Variants in SLC9B1 observed in about 807,000 individuals in gnomAD.
SLC9B1 encodes the protein solute carrier family 9 member B1.
A neutral mutation model predicts 51.7 loss-of-function variants in SLC9B1; 32 were observed. The observed-to-expected ratio is 0.62, with a 90% CI of 0.47 to 0.83. SLC9B1 has a LOEUF of 0.83. Among genes scored for constraint, SLC9B1 ranks in the 40% least tolerant of loss-of-function variants. SLC9B1 has a pLI of 0.00. For synonymous variants in SLC9B1, 145 were observed against 212.7 expected (o/e 0.68, Z 2.77); for missense variants, 406 against 613.2 (o/e 0.66, Z 3.57).
At chr4:102,969,612 G>A (rs192478981) in intron 3 of SLC9B1, among the ~76,000 whole-genome samples, 12 of 152,294 alleles carry the variant, frequency 7.9e-5, no homozygotes, top group Non-Finnish European at 8.8e-5. Flanking sequence ...CGCCAGCAAT[G>A]GAACAAAGCT....
At chr4:102,890,052 T>G (rs1008629240) in intron 11 of SLC9B1, 6 of 152,184 alleles carry the variant, frequency 3.9e-5, no homozygotes, top group Admixed American at 3.9e-4. Flanking sequence ...ACTCAGCAAA[T>G]GAACATCACT....
chr4:102,903,126 AG>A (rs1381357512), intron 11 of SLC9B1, among the ~76,000 whole-genome samples: 1 of 152,214 alleles, frequency 6.6e-6, no homozygotes, highest in Non-Finnish European at 1.5e-5. Flanking sequence ...AGACAGGAAT[AG>A]GCAGAAGCAG....
At position 102,910,420 on chromosome 4, in the gene SLC9B1, G is replaced by C; in HGVS notation, c.1086+19C>G. The C allele has an allele frequency of 6.5e-7, 1 of 1,527,820 alleles. No homozygotes were observed. The highest frequency in any genetic ancestry group is 8.7e-7 in the Non-Finnish European group (1 of 1,144,356). 94.6% of individuals were successfully genotyped at this position (1,527,820 alleles called of 1,614,324 possible). ...CAGTTGTTTTAGCTTTTAAAATATA[G>C]CATATTAAAAATATTCACCTTTTCT... On this transcript the variant is annotated intron_variant, in intron 9 of 11. Coordinates refer to ENST00000296422, the MANE Select transcript of SLC9B1 (RefSeq NM_139173.4).
chr4:102,955,878 A>AAAGG (rs1276220224), intron 3 of SLC9B1, among the ~76,000 whole-genome samples: 2 of 146,382 alleles, frequency 1.4e-5, no homozygotes, highest in Non-Finnish European at 3.0e-5. Context: ...AGAAAGAAAG[A>AAAGG]AAGAAAGAAA....
At chr4:103,015,937 C>T (rs1267835973) in intron 1 of SLC9B1, among the ~76,000 whole-genome samples, 1 of 151,722 alleles carries the variant, frequency 6.6e-6, no homozygotes, top group Non-Finnish European at 1.5e-5. Flanking sequence ...TCAAGACCAG[C>T]CTGGCCATGG....
intron 6 of SLC9B1, among the ~76,000 whole-genome samples, chr4:102,943,395 C>G (rs1248622312): frequency 6.6e-6 from 1 of 152,052 alleles, no homozygotes; most frequent in African/African-American, 2.4e-5. Flanking sequence ...TATTGCAGCA[C>G]AATTTGCAAT....
intron 3 of SLC9B1, among the ~76,000 whole-genome samples, chr4:102,983,783 T>C (rs1350273436): frequency 6.6e-6 from 1 of 151,690 alleles, no homozygotes; most frequent in Admixed American, 6.6e-5. Flanking sequence ...TTTTTCTTAG[T>C]TAGTTTGGCT....
chr4:102,939,549 T>C (rs1736886847), intron 6 of SLC9B1, among the ~76,000 whole-genome samples: 1 of 152,098 alleles, frequency 6.6e-6, no homozygotes, highest in Non-Finnish European at 1.5e-5. Flanking sequence ...CCCTAACTCA[T>C]TTTATGAGGC....
In SLC9B1 at chr4:102,940,526, A is replaced by AC. The variant is rs1233751641; in HGVS notation, c.653+4666_653+4667insG. On this transcript the variant is annotated intron_variant, in intron 6 of 11. Transcript: ENST00000296422. ...CATCCTAAAATTCATTTGGAGCCAA[A>AC]AAAACAAACAAACAAAAAAAGCCCA... Among the ~76,000 whole-genome samples the AC allele has an allele frequency of 3.4e-4, 51 of 152,114 alleles. 1 individual carries two copies. Among genetic ancestry groups the AC allele is most frequent in the South Asian group, 1.2e-3 (6 of 4,818 alleles).
intron 10 of SLC9B1, 120 bp downstream of exon 10, chr4:102,906,416 A>T: frequency 1.8e-6 from 1 of 549,352 alleles, no homozygotes; most frequent in Non-Finnish European, 3.1e-6. Context: ...CACTGTATCA[A>T]CATGTGTTTC....
At chr4:103,012,894 TA>T (rs2110543699) in intron 1 of SLC9B1, among the ~76,000 whole-genome samples, 1 of 152,314 alleles carries the variant, frequency 6.6e-6, no homozygotes, top group Non-Finnish European at 1.5e-5. Context: ...TAAGGACTTT[TA>T]TAATACATTC....
chr4:102,959,874 T>C (rs1310019883), intron 3 of SLC9B1, among the ~76,000 whole-genome samples: 1 of 152,110 alleles, frequency 6.6e-6, no homozygotes, highest in Non-Finnish European at 1.5e-5. Context: ...CAAAAACAAT[T>C]GGGTATTAAT....
intron 3 of SLC9B1, among the ~76,000 whole-genome samples, chr4:102,983,785 AGTTT>A (rs948640919): frequency 2.0e-5 from 3 of 151,936 alleles, no homozygotes; most frequent in African/African-American, 7.3e-5. Flanking sequence ...TTTCTTAGTT[AGTTT>A]GGCTAAAGGC....
chr4:102,893,579 T>A (rs1464307863), intron 11 of SLC9B1, among the ~76,000 whole-genome samples: 1 of 152,136 alleles, frequency 6.6e-6, no homozygotes, highest in Admixed American at 6.5e-5. Context: ...GAAAAACCAA[T>A]TCATTTCACA....
At chr4:102,937,196 G>A (rs111506361) in intron 6 of SLC9B1, among the ~76,000 whole-genome samples, 39 of 151,796 alleles carry the variant, frequency 2.6e-4, no homozygotes, top group South Asian at 1.5e-3. Flanking sequence ...TCCACTTCCC[G>A]GGTTCAAGCG....
chr4:103,003,695 T>G (rs1740644672), intron 1 of SLC9B1, among the ~76,000 whole-genome samples: 1 of 151,992 alleles, frequency 6.6e-6, no homozygotes, highest in Non-Finnish European at 1.5e-5. Flanking sequence ...AATTCCCCAT[T>G]GGAGTACTGT....
intron 7 of SLC9B1, among the ~76,000 whole-genome samples, chr4:102,916,999 T>C (rs1204454036): frequency 6.6e-6 from 1 of 152,234 alleles, no homozygotes; most frequent in Non-Finnish European, 1.5e-5. Flanking sequence ...GTAGGCATCA[T>C]GCAATTGGTT....
intron 1 of SLC9B1, 32 bp from the exon 2 acceptor site, chr4:102,991,744 A>T (rs761859804): frequency 9.1e-6 from 13 of 1,430,480 alleles, no homozygotes; most frequent in Non-Finnish European, 1.2e-5. Flanking sequence ...CTTTAAAAGA[A>T]GAAACAAGAC....
chr4:103,015,490 G>A (rs1741270445), intron 1 of SLC9B1, among the ~76,000 whole-genome samples: 1 of 152,046 alleles, frequency 6.6e-6, no homozygotes, highest in Non-Finnish European at 1.5e-5. Context: ...CAACACTCTA[G>A]TCTTTCAGTT....
Sources: gnomAD v4.1 joint callset for allele counts (sites outside exome capture counted in the v4.1 genomes callset) on GRCh38, gnomAD v4.1.1 for gene constraint, MANE v1.5 for transcripts, NCBI Gene and HGNC (gene_info 2026-07-23, HGNC 2026-07-21) for gene names.